SORCS2: variants seen among roughly 807,000 people sequenced by gnomAD.
SORCS2 encodes VPS10 domain-containing receptor SorCS2.
A neutral mutation model predicts 141.6 loss-of-function variants in SORCS2; 100 were observed. That is an observed-to-expected ratio of 0.71 (90% CI 0.60 to 0.83). SORCS2 has a LOEUF of 0.83. Ranked by LOEUF, SORCS2 falls within the 40% of genes least tolerant of loss-of-function variation. The pLI is 0.00. For missense variants in SORCS2, 1,646 were observed against 1,560.2 expected (o/e 1.05, Z -0.93); for synonymous variants, 789 against 676.9 (o/e 1.17, Z -2.57).
intron 1 of SORCS2, among the ~76,000 whole-genome samples, chr4:7,207,393 C>A (rs1258628164): frequency 6.6e-6 from 1 of 152,204 alleles, no homozygotes; most frequent in Non-Finnish European, 1.5e-5. Flanking sequence ...CTGCTCTCTG[C>A]GTTCACCCAG....
chr4:7,649,029 G>A (rs938917342), intron 4 of SORCS2, among the ~76,000 whole-genome samples: 9 of 152,082 alleles, frequency 5.9e-5, no homozygotes, highest in Admixed American at 1.3e-4. Context: ...CTGCAGCCCC[G>A]TCCTCTCTGG....
chr4:7,387,417 A>G (rs564115458), intron 1 of SORCS2, among the ~76,000 whole-genome samples: 3 of 77,234 alleles, frequency 3.9e-5, no homozygotes, highest in African/African-American at 9.3e-5. Context: ...AGAAATACAC[A>G]CATGCACACA....
chr4:7,377,335 G>T (rs368679063), intron 1 of SORCS2, among the ~76,000 whole-genome samples: 72 of 128,626 alleles, frequency 5.6e-4, no homozygotes, highest in African/African-American at 1.3e-3. Flanking sequence ...TGTTTGCCCA[G>T]TTCCAGAACT....
chr4:7,385,661 C>A (rs531476210), intron 1 of SORCS2, among the ~76,000 whole-genome samples: 1 of 152,188 alleles, frequency 6.6e-6, no homozygotes, highest in Non-Finnish European at 1.5e-5. Context: ...GAGGGTGACC[C>A]TCCTGAGAGG....
chr4:7,612,571 G>T (rs1718478491), intron 3 of SORCS2, among the ~76,000 whole-genome samples: 1 of 152,206 alleles, frequency 6.6e-6, no homozygotes, highest in Non-Finnish European at 1.5e-5. Context: ...AACCCACTAA[G>T]ACCCCAGCCT....
chr4:7,498,852 G>C (rs972034293), intron 2 of SORCS2, among the ~76,000 whole-genome samples: 1 of 152,156 alleles, frequency 6.6e-6, no homozygotes, highest in Non-Finnish European at 1.5e-5. Flanking sequence ...TAGAGGAGAG[G>C]GACGAGTGCC....
At chr4:7,320,228 T>G (rs1381884965) in intron 1 of SORCS2, among the ~76,000 whole-genome samples, 1 of 152,220 alleles carries the variant, frequency 6.6e-6, no homozygotes, top group African/African-American at 2.4e-5. Context: ...AGAATTAAAC[T>G]GATAATCAAA....
At chr4:7,494,892 T>C (rs1326012217) in intron 2 of SORCS2, among the ~76,000 whole-genome samples, 2 of 152,124 alleles carry the variant, frequency 1.3e-5, no homozygotes, top group Non-Finnish European at 2.9e-5. Context: ...GAACTGGAAG[T>C]GGGTGATGGA....
chr4:7,446,942 A>G (rs1728040895), intron 2 of SORCS2, among the ~76,000 whole-genome samples: 1 of 152,224 alleles, frequency 6.6e-6, no homozygotes, highest in South Asian at 2.1e-4. Context: ...CTGCAGGACT[A>G]AGGTTTCCTT....
At chr4:7,482,268 G>A (rs1311761757) in intron 2 of SORCS2, among the ~76,000 whole-genome samples, 4 of 33,012 alleles carry the variant, frequency 1.2e-4, no homozygotes, top group Admixed American at 3.1e-4. Context: ...TCCCCGCTGC[G>A]GACACCCCTG....
chr4:7,557,658 G>T (rs1714235619), intron 3 of SORCS2, among the ~76,000 whole-genome samples: 2 of 152,148 alleles, frequency 1.3e-5, no homozygotes, highest in South Asian at 4.1e-4. Context: ...CCTTTAAAAA[G>T]GATCATTCCT....
chr4:7,556,145 G>A (rs964498589), intron 3 of SORCS2, among the ~76,000 whole-genome samples: 4 of 152,214 alleles, frequency 2.6e-5, no homozygotes, highest in African/African-American at 7.2e-5. Context: ...CCCACTGGAG[G>A]CCATTGCCAC....
intron 2 of SORCS2, among the ~76,000 whole-genome samples, chr4:7,513,327 AG>A (rs1377678664): frequency 6.6e-6 from 1 of 151,186 alleles, no homozygotes; most frequent in Admixed American, 6.5e-5. Context: ...CAGCTGGCAA[AG>A]CACCTGCCCC....
intron 1 of SORCS2, among the ~76,000 whole-genome samples, chr4:7,299,401 G>A (rs995737065): frequency 9.2e-5 from 14 of 152,244 alleles, no homozygotes; most frequent in African/African-American, 2.9e-4. Context: ...CCCCTCAGCG[G>A]TGCTAAGTTC....
chr4:7,483,166 AC>A (rs987714042), intron 2 of SORCS2, among the ~76,000 whole-genome samples: 67 of 152,038 alleles, frequency 4.4e-4, no homozygotes, highest in African/African-American at 1.5e-3. Context: ...TAAACAAAAT[AC>A]AAAAAATTAG....
intron 26 of SORCS2, among the ~76,000 whole-genome samples, chr4:7,738,880 T>TCCAG (rs1162820735): frequency 2.0e-5 from 3 of 152,144 alleles, no homozygotes; most frequent in Non-Finnish European, 4.4e-5. Flanking sequence ...CTGCGCGCTC[T>TCCAG]CCAGCCCCTC....
chr4:7,498,466 T>C (rs1021729001), intron 2 of SORCS2, among the ~76,000 whole-genome samples: 4 of 152,174 alleles, frequency 2.6e-5, no homozygotes, highest in African/African-American at 9.7e-5. Context: ...CACCTCTGAG[T>C]GTGGTGCAGA....
chr4:7,211,192 C>T (rs1405462213), intron 1 of SORCS2, among the ~76,000 whole-genome samples: 2 of 138,562 alleles, frequency 1.4e-5, no homozygotes, highest in African/African-American at 5.4e-5. Flanking sequence ...GGAAAAGCTT[C>T]TCAGAGGTGG....
At chr4:7,280,407 C>A (rs964686335) in intron 1 of SORCS2, among the ~76,000 whole-genome samples, 1 of 152,212 alleles carries the variant, frequency 6.6e-6, no homozygotes. Flanking sequence ...CTGTTGTTAA[C>A]ATTTCCAGAA....
Sources: allele counts gnomAD v4.1 joint callset (sites outside exome capture counted in the v4.1 genomes callset), GRCh38; gene constraint gnomAD v4.1.1; transcripts MANE v1.5; gene names NCBI Gene and HGNC (gene_info 2026-07-23, HGNC 2026-07-21).